TRHDE: variants seen among roughly 807,000 people sequenced by gnomAD.
TRHDE encodes thyrotropin releasing hormone degrading enzyme, also known as thyrotropin-releasing hormone-degrading ectoenzyme.
Under a neutral mutation model 125.7 loss-of-function variants are expected in TRHDE, and 72 were observed. The ratio of observed to expected loss-of-function variants is 0.57; its 90% CI spans 0.47 to 0.70. The LOEUF (loss-of-function observed/expected upper bound fraction) is 0.70, where lower values mean the gene tolerates loss of function less well. Ranked by LOEUF, TRHDE falls within the 30% of genes least tolerant of loss-of-function variation. The pLI is 0.00. For synonymous variants in TRHDE, 509 were observed against 509.1 expected (o/e 1.00, Z 0.00); for missense variants, 1,110 against 1,327.1 (o/e 0.84, Z 2.54).
intron 1 of TRHDE, chr12:72,274,953 A>T (rs1466147271): frequency 6.6e-6 from 1 of 152,258 alleles, no homozygotes; most frequent in African/African-American, 2.4e-5. Flanking sequence ...CATTGCTAAG[A>T]TAACTTAGAT....
intron 10 of TRHDE, among the ~76,000 whole-genome samples, chr12:72,573,998 T>C (rs545024714): frequency 6.6e-6 from 1 of 152,160 alleles, no homozygotes; most frequent in African/African-American, 2.4e-5. Flanking sequence ...GTACATTCTA[T>C]TTTACTGCAG....
intron 3 of TRHDE, among the ~76,000 whole-genome samples, chr12:72,445,261 A>C (rs1875220008): frequency 6.6e-6 from 1 of 151,828 alleles, no homozygotes; most frequent in Non-Finnish European, 1.5e-5. Context: ...TTGTTTTATC[A>C]CATATTTTTT....
At chr12:72,360,089 CA>C (rs1488381291) in intron 2 of TRHDE, among the ~76,000 whole-genome samples, 7 of 151,674 alleles carry the variant, frequency 4.6e-5, no homozygotes, top group African/African-American at 1.7e-4. Flanking sequence ...AGCACTCACA[CA>C]ATACATTCCA....
intron 3 of TRHDE, among the ~76,000 whole-genome samples, chr12:72,410,750 CCT>C (rs1873460678): frequency 6.6e-6 from 1 of 151,900 alleles, no homozygotes; most frequent in African/African-American, 2.4e-5. Flanking sequence ...CAGAATCAAA[CCT>C]AAAATGACAT....
At chr12:72,112,480 G>A (rs906000687) in intron 2 of TRHDE, among the ~76,000 whole-genome samples, 1 of 152,136 alleles carries the variant, frequency 6.6e-6, no homozygotes, top group Non-Finnish European at 1.5e-5. Context: ...AGTGATGACT[G>A]CTTTCTCCAG....
At chr12:72,576,046 A>G (rs1456844354) in intron 12 of TRHDE, among the ~76,000 whole-genome samples, 2 of 152,096 alleles carry the variant, frequency 1.3e-5, no homozygotes, top group African/African-American at 4.8e-5. Flanking sequence ...GTACTATAGT[A>G]ATATTTGTGT....
At chr12:72,160,382 C>T (rs1054118116) in intron 2 of TRHDE, among the ~76,000 whole-genome samples, 28 of 152,108 alleles carry the variant, frequency 1.8e-4, no homozygotes, top group Non-Finnish European at 2.1e-4. Context: ...ACCCATCAAT[C>T]TATATTTTAA....
At chr12:72,532,891 T>C (rs751288170) in intron 6 of TRHDE, among the ~76,000 whole-genome samples, 2 of 151,570 alleles carry the variant, frequency 1.3e-5, no homozygotes, top group African/African-American at 4.8e-5. Context: ...TATATTTGCA[T>C]ACATGATCAT....
At chr12:72,635,353 G>GT (rs1386086537) in intron 15 of TRHDE, among the ~76,000 whole-genome samples, 1 of 152,046 alleles carries the variant, frequency 6.6e-6, no homozygotes, top group Non-Finnish European at 1.5e-5. Flanking sequence ...GGGGTTGCTT[G>GT]TTTTTTTCTT....
intron 12 of TRHDE, among the ~76,000 whole-genome samples, chr12:72,592,668 T>G (rs924212398): frequency 6.6e-6 from 1 of 151,860 alleles, no homozygotes; most frequent in Non-Finnish European, 1.5e-5. Context: ...TAGTATTAGT[T>G]AAGGCCTTTT....
chr12:72,243,076 G>C (rs1297060816), intron 2 of TRHDE, among the ~76,000 whole-genome samples: 1 of 152,156 alleles, frequency 6.6e-6, no homozygotes, highest in Non-Finnish European at 1.5e-5. Context: ...GACTACTGCT[G>C]CCATTGTGTT....
At chr12:72,585,939 G>C (rs1470845927) in intron 12 of TRHDE, among the ~76,000 whole-genome samples, 1 of 152,102 alleles carries the variant, frequency 6.6e-6, no homozygotes, top group African/African-American at 2.4e-5. Flanking sequence ...CTTTATGTTT[G>C]GGTAATTACT....
chr12:72,266,161 A>G (rs1331582002), intron 2 of TRHDE, among the ~76,000 whole-genome samples: 1 of 152,094 alleles, frequency 6.6e-6, no homozygotes, highest in Non-Finnish European at 1.5e-5. Context: ...ATTGGAAGAC[A>G]GAAAAACATA....
chr12:72,614,993 GAGA>G (rs1872762317), intron 12 of TRHDE, among the ~76,000 whole-genome samples: 2 of 152,052 alleles, frequency 1.3e-5, no homozygotes. Context: ...TTATAAATTG[GAGA>G]AGGAGGAGGG....
At chr12:72,438,423 G>C (rs1191167909) in intron 3 of TRHDE, among the ~76,000 whole-genome samples, 1 of 151,270 alleles carries the variant, frequency 6.6e-6, no homozygotes, top group African/African-American at 2.4e-5. Context: ...TTTTCTCTAC[G>C]TGCTCACCAA....
intron 9 of TRHDE, among the ~76,000 whole-genome samples, chr12:72,567,889 A>G (rs929165570): frequency 6.6e-6 from 1 of 152,206 alleles, no homozygotes; most frequent in Non-Finnish European, 1.5e-5. Context: ...AAAAAGGTAA[A>G]TGTTACAAAA....
At chr12:72,633,245 T>C (rs2136088553) in intron 15 of TRHDE, among the ~76,000 whole-genome samples, 1 of 152,164 alleles carries the variant, frequency 6.6e-6, no homozygotes, top group East Asian at 1.9e-4. Flanking sequence ...TTAAGATCCC[T>C]TGTCCCCCAC....
chr12:72,275,556 A>G (rs922678321), intron 1 of TRHDE, among the ~76,000 whole-genome samples: 24 of 152,234 alleles, frequency 1.6e-4, no homozygotes, highest in Non-Finnish European at 4.4e-5. Context: ...TATGTTTAGG[A>G]ACAAGCTTCT....
chr12:72,461,938 A>G (rs1305798139), intron 3 of TRHDE, among the ~76,000 whole-genome samples: 3 of 152,194 alleles, frequency 2.0e-5, no homozygotes, highest in South Asian at 4.1e-4. Flanking sequence ...AGTGCTTTAC[A>G]TGGTATAACT....
Sources: gnomAD v4.1 joint callset for allele counts (sites outside exome capture counted in the v4.1 genomes callset) on GRCh38, gnomAD v4.1.1 for gene constraint, MANE v1.5 for transcripts, NCBI Gene and HGNC (gene_info 2026-07-23, HGNC 2026-07-21) for gene names.